The following RSL1D1 variants were observed in gnomAD, a reference collection of about 807,000 sequenced individuals.
RSL1D1 encodes the protein ribosomal L1 domain-containing protein 1.
A neutral mutation model predicts 44.6 loss-of-function variants in RSL1D1; 34 were observed. The observed-to-expected ratio is 0.76, with a 90% CI of 0.58 to 1.02. RSL1D1 has a LOEUF of 1.02. RSL1D1 is among the 50% of genes least tolerant of loss of function. The pLI, the probability that RSL1D1 is intolerant of heterozygous loss-of-function variation, is 0.00. For synonymous variants in RSL1D1, 271 were observed against 207.4 expected, an observed-to-expected ratio of 1.31 and a Z score of -2.63; for missense variants, 767 against 568.1, an observed-to-expected ratio of 1.35 and a Z score of -3.56.
intron 1 of RSL1D1, 36 bp from the exon 2 acceptor site, chr16:11,850,454 T>C: frequency 6.3e-7 from 1 of 1,582,082 alleles, no homozygotes; most frequent in Non-Finnish European, 8.6e-7. Flanking sequence ...AGTGAAATGT[T>C]TTCACAATAA....
In RSL1D1 at chr16:11,841,600, G is replaced by A; in HGVS notation, c.855+95C>T. The A allele has an allele frequency of 7.7e-6, 9 of 1,164,388 alleles. No individual in the cohort carries two copies. The South Asian group carries it at 1.2e-4, about 16-fold the overall frequency. The allele number at this position is 1,164,388 out of a possible 1,614,324, so 72.1% of individuals were successfully genotyped here. A position where few individuals can be genotyped will look rare whatever the true frequency, so the allele number is the denominator to read the frequency against. On this transcript the variant is annotated intron_variant, in intron 7 of 8. Coordinates refer to ENST00000571133, the MANE Select transcript of RSL1D1 (RefSeq NM_015659.3). ...ACCACCACAAAACCAGAAGATAACT[G>A]AAAAGTCGGGCAGCGATGATGGTCT...
At chr16:11,847,602 T>C (rs2053808070) in intron 3 of RSL1D1, 66 bp downstream of exon 3, 2 of 1,317,808 alleles carry the variant, frequency 1.5e-6, no homozygotes, top group South Asian at 1.3e-5. Context: ...AGCAATGTAT[T>C]TGTGATACCA....
intron 5 of RSL1D1, 116 bp downstream of exon 5, chr16:11,846,385 A>G: frequency 3.4e-6 from 2 of 592,838 alleles, no homozygotes; most frequent in Non-Finnish European, 5.8e-6. Flanking sequence ...ACAGAGTAAG[A>G]CTCCATCTCA....
chr16:11,835,640 T>G lies in RSL1D1; in HGVS notation c.*2147A>C, dbSNP rs2053711028. 1 of 152,264 alleles carries G rather than the reference T, an allele frequency of 6.6e-6. No homozygotes were observed. Among genetic ancestry groups the G allele is most frequent in the Non-Finnish European group, 1.5e-5 (1 of 68,156 alleles). 9.4% of individuals were successfully genotyped at this position (152,264 alleles called of 1,614,324 possible). ...TCCCAAGAAGCTGGGACCACAGGCA[T>G]GTTCCACCACACCCAGCTTATTTTT... On this transcript the variant is annotated 3_prime_UTR_variant, in exon 9 of 9. Coordinates refer to ENST00000571133, the MANE Select transcript of RSL1D1 (RefSeq NM_015659.3).
Position 11,835,325 on chromosome 16 carries a change from G to A in RSL1D1, c.*2462C>T, listed in dbSNP as rs2053709067. 1 of 152,204 alleles carries A rather than the reference G, an allele frequency of 6.6e-6. No homozygotes were observed. The highest frequency in any genetic ancestry group is 1.5e-5 in the Non-Finnish European group (1 of 68,276). The allele number at this position is 152,204 out of a possible 1,614,324, so 9.4% of individuals were successfully genotyped here. A position where few individuals can be genotyped will look rare whatever the true frequency, so the allele number is the denominator to read the frequency against. ...GCCTCCCAAGTAGCTGGGATTACAGGTGCCTCCCACCATGCCTGGCTAGTT... is the reference window on the plus strand; with the variant it reads ...GCCTCCCAAGTAGCTGGGATTACAGATGCCTCCCACCATGCCTGGCTAGTT... On this transcript the variant is annotated 3_prime_UTR_variant, in exon 9 of 9. Transcript: ENST00000571133.
intron 5 of RSL1D1, among the ~76,000 whole-genome samples, chr16:11,846,220 G>C (rs1351144329): frequency 6.6e-6 from 1 of 151,212 alleles, no homozygotes; most frequent in Non-Finnish European, 1.5e-5. Flanking sequence ...GTGAAACCCT[G>C]TCTCTACTAA....
intron 6 of RSL1D1, 33 bp from the exon 7 acceptor site, chr16:11,841,853 T>G: frequency 6.2e-7 from 1 of 1,612,498 alleles, no homozygotes; most frequent in Non-Finnish European, 8.5e-7. Flanking sequence ...ATCGTCTACA[T>G]ATACTTTGTT....
rs1258323652 is a variant in RSL1D1 at position 11,835,834 on chromosome 16, G to T, written c.*1953C>A. On this transcript the variant is annotated 3_prime_UTR_variant, in exon 9 of 9. Coordinates refer to ENST00000571133, the MANE Select transcript of RSL1D1 (RefSeq NM_015659.3). Reference sequence around the variant, plus strand: ...ATAATGTAAAAGAGTCTTGGAATATGTCCAGGGTCAAGGGTCTAAAACCCC... The same window carrying T: ...ATAATGTAAAAGAGTCTTGGAATATTTCCAGGGTCAAGGGTCTAAAACCCC... 3 of 152,254 alleles carry T rather than the reference G, an allele frequency of 2.0e-5. No individual in the cohort carries two copies. Among genetic ancestry groups the T allele is most frequent in the Non-Finnish European group, 4.4e-5 (3 of 68,086 alleles). The allele number at this position is 152,254 out of a possible 1,614,324, so 9.4% of individuals were successfully genotyped here.
Position 11,846,484 on chromosome 16 carries a change from G to A in RSL1D1, c.635+17C>T, listed in dbSNP as rs751721311. The A allele has an allele frequency of 2.0e-5, 24 of 1,210,618 alleles. 1 individual carries two copies. In the Middle Eastern group the frequency reaches 3.7e-3, roughly 185 times the overall value. 75.0% of individuals were successfully genotyped at this position (1,210,618 alleles called of 1,614,324 possible). A position where few individuals can be genotyped will look rare whatever the true frequency, so the allele number is the denominator to read the frequency against. On this transcript the variant is annotated intron_variant, in intron 5 of 8. Coordinates refer to ENST00000571133, the MANE Select transcript of RSL1D1 (RefSeq NM_015659.3). ...ATACAAGATTAAAAGAGGCACACAT[G>A]AATGCCTTTTACCTACCTGCAAGAA...
intron 5 of RSL1D1, 146 bp downstream of exon 5, chr16:11,846,355 A>C (rs1423265694): frequency 1.9e-6 from 1 of 528,298 alleles, no homozygotes; most frequent in Non-Finnish European, 3.3e-6. Context: ...AGATGGTGCC[A>C]CTGCACTCCA....
At position 11,850,522 on chromosome 16, in the gene RSL1D1, C is replaced by A. The variant is rs986629731; in HGVS notation, c.106-104G>T. On this transcript the variant is annotated intron_variant, in intron 1 of 8. Transcript: ENST00000571133. ...ATTTAGCATTTGCCCCCTCCCACAC[C>A]TTCTATTTTTTCCCTTCCAACTTCT... 1.7e-5 allele frequency: 20 copies of A among 1,199,532 alleles called. 1 individual carries two copies. The South Asian group carries it at 2.9e-4, about 17-fold the overall frequency. 74.3% of individuals were successfully genotyped at this position (1,199,532 alleles called of 1,614,324 possible).
intron 8 of RSL1D1, 82 bp downstream of exon 8, chr16:11,839,613 C>T: frequency 6.7e-7 from 1 of 1,490,598 alleles, no homozygotes; most frequent in South Asian, 1.3e-5. Flanking sequence ...TATTTTTCAT[C>T]ATTTATTGCT....
intron 7 of RSL1D1, 153 bp downstream of exon 7, chr16:11,841,542 C>T: frequency 1.6e-6 from 1 of 626,666 alleles, no homozygotes; most frequent in Non-Finnish European, 2.7e-6. Flanking sequence ...AAAAGCATAC[C>T]CATTTTACCT....
At position 11,835,933 on chromosome 16, in the gene RSL1D1, G is replaced by A. The variant is rs2053713607; in HGVS notation, c.*1854C>T. The A allele has an allele frequency of 6.6e-6, 1 of 152,168 alleles. No homozygotes were observed. Among genetic ancestry groups the A allele is most frequent in the Non-Finnish European group, 1.5e-5 (1 of 68,048 alleles). The allele number at this position is 152,168 out of a possible 1,614,324, so 9.4% of individuals were successfully genotyped here. ...CCTGACGCACCATAATCTAAGCCCAGGGCATAAAATCCCTCGTGGCTTGGA... is the reference window on the plus strand; with the variant it reads ...CCTGACGCACCATAATCTAAGCCCAAGGCATAAAATCCCTCGTGGCTTGGA... On this transcript the variant is annotated 3_prime_UTR_variant, in exon 9 of 9. Coordinates refer to ENST00000571133, the MANE Select transcript of RSL1D1 (RefSeq NM_015659.3).
chr16:11,839,568 A>T, intron 8 of RSL1D1, 127 bp downstream of exon 8: 2 of 1,298,782 alleles, frequency 1.5e-6, no homozygotes, highest in Non-Finnish European at 2.1e-6. Flanking sequence ...TCATGATATG[A>T]TAACCACCTT....
In RSL1D1 at chr16:11,846,498, T is replaced by A. The variant is rs551772098; in HGVS notation, c.635+3A>T. The A allele has an allele frequency of 2.8e-5, 41 of 1,478,378 alleles. No homozygotes were observed. In the Middle Eastern group the frequency reaches 1.2e-3, roughly 45 times the overall value. The allele number at this position is 1,478,378 out of a possible 1,614,324, so 91.6% of individuals were successfully genotyped here. ...GAGGCACACATGAATGCCTTTTACC[T>A]ACCTGCAAGAACCACTTTTAGAAAT... On this transcript the variant is annotated splice_donor_region_variant and intron_variant, in intron 5 of 8. Transcript: ENST00000571133.
rs1431824634 is a variant in RSL1D1, at chr16:11,846,802, A to G, written c.426T>C (p.Tyr142=). The G allele has an allele frequency of 1.9e-6, 3 of 1,612,538 alleles. No homozygotes were observed. Among genetic ancestry groups the G allele is most frequent in the Non-Finnish European group, 2.5e-6 (3 of 1,178,670 alleles). ...LQTLKKEYKS[Y]EAKLRLLSSF... ...TGCTCAGAAGGCGGAGCTTGGCTTC[A>G]TAGGATTTATATTCCTTCTTTAGAG... The change falls in exon 4 of 9, where the codon TAT becomes TAC. Residue 142 remains tyrosine, a synonymous_variant. Transcript: ENST00000571133.
chr16:11,844,486 AG>A (rs1340506257), intron 5 of RSL1D1, among the ~76,000 whole-genome samples: 2 of 152,060 alleles, frequency 1.3e-5, no homozygotes, highest in Admixed American at 6.6e-5. Flanking sequence ...CTTTAACCAA[AG>A]GGGTAGGGGT....
At chr16:11,846,206 C>G (rs1035889711) in intron 5 of RSL1D1, among the ~76,000 whole-genome samples, 3 of 151,358 alleles carry the variant, frequency 2.0e-5, no homozygotes, top group Admixed American at 2.0e-4. Context: ...TCCTGGCTAA[C>G]TCGGTGAAAC....
Sources: gnomAD v4.1 joint callset for allele counts (sites outside exome capture counted in the v4.1 genomes callset) on GRCh38, gnomAD v4.1.1 for gene constraint, MANE v1.5 for transcripts, NCBI Gene and HGNC (gene_info 2026-07-23, HGNC 2026-07-21) for gene names.